The following BMERB1 variants were observed in gnomAD, a reference collection of about 807,000 sequenced individuals.
The protein encoded by BMERB1 is bMERB domain-containing protein 1.
BMERB1 carries 12 observed loss-of-function variants against 23.6 expected under a neutral mutation model. That is an observed-to-expected ratio of 0.51 (90% CI 0.33 to 0.82). The LOEUF is 0.82. Among genes scored for constraint, BMERB1 ranks in the 40% least tolerant of loss-of-function variants. BMERB1 has a pLI of 0.03. For missense variants in BMERB1, 247 were observed against 255.4 expected (o/e 0.97, Z 0.22); for synonymous variants, 122 against 96.6 (o/e 1.26, Z -1.54).
intron 3 of BMERB1, among the ~76,000 whole-genome samples, chr16:15,571,905 C>A (rs2030738193): frequency 6.6e-6 from 1 of 152,156 alleles, no homozygotes; most frequent in Admixed American, 6.5e-5. Flanking sequence ...AGAATGCAAT[C>A]CTCCCCTTCC....
chr16:15,529,847 C>T (rs906980017), intron 2 of BMERB1, among the ~76,000 whole-genome samples: 12 of 152,136 alleles, frequency 7.9e-5, no homozygotes, highest in Admixed American at 4.6e-4. Context: ...CAGCTAAGTG[C>T]GTTATTTTCC....
At chr16:15,508,061 T>A (rs1228435282) in intron 1 of BMERB1, among the ~76,000 whole-genome samples, 1 of 152,130 alleles carries the variant, frequency 6.6e-6, no homozygotes, top group Non-Finnish European at 1.5e-5. Context: ...AGCTTTGGAG[T>A]AAGAGAGATC....
chr16:15,451,940 G>C (rs1361578596), intron 1 of BMERB1, among the ~76,000 whole-genome samples: 1 of 151,590 alleles, frequency 6.6e-6, no homozygotes, highest in East Asian at 1.9e-4. Context: ...GCAAAGTACA[G>C]GAACTTAAGG....
chr16:15,444,987 C>G (rs1180438773), intron 1 of BMERB1, among the ~76,000 whole-genome samples: 1 of 152,164 alleles, frequency 6.6e-6, no homozygotes, highest in Non-Finnish European at 1.5e-5. Flanking sequence ...GCCTCAACCT[C>G]CTGCCTAGGC....
chr16:15,488,206 T>C (rs1447348974), intron 1 of BMERB1, among the ~76,000 whole-genome samples: 1 of 152,170 alleles, frequency 6.6e-6, no homozygotes, highest in Non-Finnish European at 1.5e-5. Context: ...CAAATGGGCA[T>C]GGATGTGTTC....
At chr16:15,538,464 AAAAG>A (rs2052047347) in intron 2 of BMERB1, among the ~76,000 whole-genome samples, 1 of 152,124 alleles carries the variant, frequency 6.6e-6, no homozygotes, top group African/African-American at 2.4e-5. Context: ...AGAAAAAAAA[AAAAG>A]GCTCTTAGAT....
At chr16:15,550,645 A>C (rs2030062600) in intron 2 of BMERB1, among the ~76,000 whole-genome samples, 1 of 151,998 alleles carries the variant, frequency 6.6e-6, no homozygotes, top group African/African-American at 2.4e-5. Context: ...GCCTGAAAGC[A>C]TTTTAGAAGG....
At chr16:15,510,429 A>C (rs2150948252) in intron 1 of BMERB1, among the ~76,000 whole-genome samples, 1 of 152,308 alleles carries the variant, frequency 6.6e-6, no homozygotes, top group South Asian at 2.1e-4. Context: ...CGAGGATTAA[A>C]AGAGGTGATG....
At chr16:15,506,416 C>T (rs2051592205) in intron 1 of BMERB1, among the ~76,000 whole-genome samples, 1 of 152,178 alleles carries the variant, frequency 6.6e-6, no homozygotes, top group Non-Finnish European at 1.5e-5. Context: ...TTGTGATCCA[C>T]CTGCCTCAGC....
At chr16:15,490,373 C>T (rs2051409420) in intron 1 of BMERB1, among the ~76,000 whole-genome samples, 2 of 152,164 alleles carry the variant, frequency 1.3e-5, no homozygotes, top group African/African-American at 4.8e-5. Flanking sequence ...GCCTTTAACT[C>T]CTAGGCTCAA....
At chr16:15,503,653 A>G (rs916553686) in intron 1 of BMERB1, among the ~76,000 whole-genome samples, 1 of 152,084 alleles carries the variant, frequency 6.6e-6, no homozygotes, top group African/African-American at 2.4e-5. Flanking sequence ...CCACACGGAT[A>G]CTGAGGGACA....
chr16:15,527,218 C>T (rs1394377787), intron 2 of BMERB1, among the ~76,000 whole-genome samples: 1 of 152,114 alleles, frequency 6.6e-6, no homozygotes, highest in East Asian at 1.9e-4. Context: ...CTGTACCATT[C>T]AACACTCACT....
intron 2 of BMERB1, among the ~76,000 whole-genome samples, chr16:15,520,342 C>A (rs2051835558): frequency 6.6e-6 from 1 of 152,092 alleles, no homozygotes; most frequent in Non-Finnish European, 1.5e-5. Flanking sequence ...TTAGATGCCC[C>A]CAGTCCCACA....
At chr16:15,477,943 A>C (rs553600752) in intron 1 of BMERB1, among the ~76,000 whole-genome samples, 35 of 152,040 alleles carry the variant, frequency 2.3e-4, no homozygotes, top group Non-Finnish European at 4.0e-4. Context: ...AAGAGAGAGG[A>C]CCTGGGAAGA....
At chr16:15,493,425 A>C (rs2051441498) in intron 1 of BMERB1, among the ~76,000 whole-genome samples, 1 of 152,156 alleles carries the variant, frequency 6.6e-6, no homozygotes, top group African/African-American at 2.4e-5. Context: ...TGGCGGAAAA[A>C]CAAGGAAATC....
At chr16:15,525,404 A>T in intron 2 of BMERB1, among the ~76,000 whole-genome samples, 1 of 152,020 alleles carries the variant, frequency 6.6e-6, no homozygotes, top group African/African-American at 2.4e-5. Context: ...CCAATTCCTT[A>T]TCATAAATCT....
intron 4 of BMERB1, among the ~76,000 whole-genome samples, chr16:15,582,248 A>AG (rs1332191174): frequency 6.6e-6 from 1 of 152,086 alleles, no homozygotes. Flanking sequence ...AAACTACAGA[A>AG]ATTAGCCGGG....
At chr16:15,529,325 G>T (rs12933773) in intron 2 of BMERB1, among the ~76,000 whole-genome samples, 2 of 151,936 alleles carry the variant, frequency 1.3e-5, no homozygotes, top group South Asian at 4.2e-4. Flanking sequence ...CGCGCCCGGC[G>T]GTGTTTGTTG....
At position 15,514,623 on chromosome 16, in the gene BMERB1, C is replaced by A. The variant is rs147326064; in HGVS notation, c.107-682C>A. ...TGAAACCCCATCACTACTAAAAATACAAAAATTAGCCGGGCCTGGTGGTGT... is the reference window on the plus strand; with the variant it reads ...TGAAACCCCATCACTACTAAAAATAAAAAAATTAGCCGGGCCTGGTGGTGT... On this transcript the variant is annotated intron_variant, in intron 1 of 5. Coordinates refer to ENST00000300006, the MANE Select transcript of BMERB1 (RefSeq NM_033201.3). 4.2e-3 allele frequency among the ~76,000 whole-genome samples: 640 copies of A among 151,398 alleles called. 12 individuals are homozygous for A. Among genetic ancestry groups the A allele is most frequent in the East Asian group, 0.038 (195 of 5,122 alleles).
Sources: gnomAD v4.1 joint callset for allele counts (sites outside exome capture counted in the v4.1 genomes callset) on GRCh38, gnomAD v4.1.1 for gene constraint, MANE v1.5 for transcripts, NCBI Gene and HGNC (gene_info 2026-07-23, HGNC 2026-07-21) for gene names.